Variants in DOCK3 observed in about 807,000 individuals in gnomAD.
DOCK3 encodes dedicator of cytokinesis 3, also known as dedicator of cytokinesis protein 3.
In DOCK3, 60 loss-of-function variants were observed where a neutral mutation model predicts 265.6. The observed-to-expected ratio is 0.23, with a 90% confidence interval of 0.18 to 0.28. DOCK3 has a LOEUF of 0.28. Ranked by LOEUF, DOCK3 falls within the 10% of genes least tolerant of loss-of-function variation. DOCK3 has a pLI of 1.00. For synonymous variants in DOCK3, 881 were observed against 938.0 expected (o/e 0.94, Z 1.11); for missense variants, 1,981 against 2,594.3 (o/e 0.76, Z 5.14).
rs151313134 is a variant in DOCK3, at chr3:51,134,561, A to T, written c.747-11988A>T. On this transcript the variant is annotated intron_variant, in intron 9 of 52. Coordinates refer to ENST00000266037, the MANE Select transcript of DOCK3 (RefSeq NM_004947.5). Reference sequence around the variant, plus strand: ...AACCTCAAACAAACTGTGTGCCTCCAGAAGAGCTGGAATGGGTACATGGCA... The same window carrying T: ...AACCTCAAACAAACTGTGTGCCTCCTGAAGAGCTGGAATGGGTACATGGCA... 6.8e-4 allele frequency among the ~76,000 whole-genome samples: 103 copies of T among 152,264 alleles called. 1 individual carries two copies. In the East Asian group the frequency reaches 0.017, roughly 25 times the overall value.
chr3:50,833,528 G>A (rs989812735), intron 2 of DOCK3, among the ~76,000 whole-genome samples: 1 of 152,126 alleles, frequency 6.6e-6, no homozygotes, highest in Admixed American at 6.5e-5. Flanking sequence ...CCATGGGTTT[G>A]TACCCTCAAA....
At chr3:50,697,989 C>CT (rs934079357) in intron 1 of DOCK3, among the ~76,000 whole-genome samples, 1 of 152,018 alleles carries the variant, frequency 6.6e-6, no homozygotes, top group African/African-American at 2.4e-5. Context: ...TACTATTTTT[C>CT]TTTTTTTATC....
chr3:51,341,457 G>A (rs1299000067), intron 38 of DOCK3, 72 bp downstream of exon 38: 1 of 1,578,956 alleles, frequency 6.3e-7, no homozygotes, highest in African/African-American at 1.3e-5. Flanking sequence ...ACACCATAGG[G>A]TTAACAGCAG....
At chr3:51,310,409 A>G (rs1419267821) in intron 28 of DOCK3, 83 bp downstream of exon 28, 15 of 1,273,144 alleles carry the variant, frequency 1.2e-5, no homozygotes, top group Non-Finnish European at 1.6e-5. Flanking sequence ...GAGGGAGCAC[A>G]TGAGCAAGAC....
chr3:51,078,503 G>A (rs1343549613), intron 7 of DOCK3, among the ~76,000 whole-genome samples: 3 of 152,208 alleles, frequency 2.0e-5, no homozygotes, highest in Non-Finnish European at 4.4e-5. Flanking sequence ...TGAAATTTCA[G>A]CTCACTAGAG....
At chr3:51,360,398 T>C (rs1248549783) in intron 46 of DOCK3, 113 bp from the exon 47 acceptor site, 5 of 1,372,466 alleles carry the variant, frequency 3.6e-6, no homozygotes, top group South Asian at 1.4e-5. Context: ...GCCAACCATA[T>C]GATTCTTTTT....
chr3:50,845,581 A>G (rs1289150279), intron 3 of DOCK3, among the ~76,000 whole-genome samples: 2 of 152,182 alleles, frequency 1.3e-5, no homozygotes, highest in African/African-American at 2.4e-5. Context: ...GATTGGACCT[A>G]TATATTTAGA....
chr3:51,121,986 A>T (rs964003450), intron 9 of DOCK3, among the ~76,000 whole-genome samples: 4 of 152,204 alleles, frequency 2.6e-5, no homozygotes, highest in Non-Finnish European at 1.5e-5. Context: ...TAATGGTCAT[A>T]GTCATGGACT....
At chr3:51,304,427 G>T (rs1450371618) in intron 27 of DOCK3, among the ~76,000 whole-genome samples, 1 of 151,782 alleles carries the variant, frequency 6.6e-6, no homozygotes, top group Non-Finnish European at 1.5e-5. Flanking sequence ...TCCCGCTCAG[G>T]ATGATGACCT....
chr3:50,836,518 G>A (rs918220867), intron 2 of DOCK3, among the ~76,000 whole-genome samples: 2 of 152,200 alleles, frequency 1.3e-5, no homozygotes, highest in African/African-American at 4.8e-5. Flanking sequence ...TGGAGCTGAA[G>A]AAGCTGGGAC....
intron 37 of DOCK3, among the ~76,000 whole-genome samples, chr3:51,340,672 G>A (rs1029466846): frequency 6.6e-6 from 1 of 152,218 alleles, no homozygotes; most frequent in African/African-American, 2.4e-5. Context: ...CTGAGCCGTG[G>A]CTGTGATTCA....
At chr3:50,991,443 T>G (rs974058651) in intron 5 of DOCK3, among the ~76,000 whole-genome samples, 4 of 152,218 alleles carry the variant, frequency 2.6e-5, no homozygotes, top group Admixed American at 1.3e-4. Context: ...ATGTTGTGAT[T>G]TTTAATTTCA....
chr3:50,786,091 C>T (rs190547777), intron 2 of DOCK3, among the ~76,000 whole-genome samples: 2 of 152,034 alleles, frequency 1.3e-5, no homozygotes, highest in African/African-American at 2.4e-5. Flanking sequence ...AGTTTGTGCC[C>T]ATAAAGATGT....
At chr3:50,829,075 A>G (rs191398357) in intron 2 of DOCK3, among the ~76,000 whole-genome samples, 1 of 152,090 alleles carries the variant, frequency 6.6e-6, no homozygotes, top group East Asian at 1.9e-4. Context: ...GGATTTATTT[A>G]TTTATTTATT....
intron 47 of DOCK3, 131 bp downstream of exon 47, chr3:51,360,763 C>T: frequency 2.4e-6 from 3 of 1,272,996 alleles, no homozygotes; most frequent in Admixed American, 2.4e-5. Context: ...TTATGTGGCT[C>T]CTGCCATAGG....
At chr3:51,309,876 G>C (rs142604368) in intron 27 of DOCK3, among the ~76,000 whole-genome samples, 18 of 152,358 alleles carry the variant, frequency 1.2e-4, no homozygotes, top group African/African-American at 4.3e-4. Context: ...ACGCTCAGGG[G>C]CCATGCCCCA....
At chr3:50,901,704 G>A (rs2049207193) in intron 4 of DOCK3, 4 of 453,660 alleles carry the variant, frequency 8.8e-6, no homozygotes, top group South Asian at 1.6e-5. Context: ...GTCCCTCATG[G>A]CTACCCTTGG....
At chr3:50,962,121 A>T (rs1184716077) in intron 5 of DOCK3, among the ~76,000 whole-genome samples, 1 of 152,004 alleles carries the variant, frequency 6.6e-6, no homozygotes, top group East Asian at 1.9e-4. Context: ...CATCTACATT[A>T]GGTATTTCTC....
intron 11 of DOCK3, 60 bp from the exon 12 acceptor site, chr3:51,160,495 G>A (rs2086071990): frequency 6.6e-7 from 1 of 1,522,984 alleles, no homozygotes; most frequent in Non-Finnish European, 8.8e-7. Context: ...TGACAATTAG[G>A]TGATACTGGA....
Sources: allele counts gnomAD v4.1 joint callset (sites outside exome capture counted in the v4.1 genomes callset), GRCh38; gene constraint gnomAD v4.1.1; transcripts MANE v1.5; gene names NCBI Gene and HGNC (gene_info 2026-07-23, HGNC 2026-07-21).